ANXA4: variants seen among roughly 807,000 people sequenced by gnomAD.
ANXA4 encodes the protein annexin A4, also known as 35-beta calcimedin.
In ANXA4, 39 loss-of-function variants were observed where a neutral mutation model predicts 49.8. That is an observed-to-expected ratio of 0.78 (90% CI 0.61 to 1.02). The LOEUF (loss-of-function observed/expected upper bound fraction) is 1.02, where lower values mean the gene tolerates loss of function less well. Among genes scored for constraint, ANXA4 ranks in the 50% least tolerant of loss-of-function variants. ANXA4 has a pLI of 0.00. For missense variants in ANXA4, 360 were observed against 410.1 expected, an observed-to-expected ratio of 0.88 and a Z score of 1.05; for synonymous variants, 134 against 152.5, an observed-to-expected ratio of 0.88 and a Z score of 0.89.
At chr2:69,694,686 A>G (rs957721580) in intron 2 of ANXA4, among the ~76,000 whole-genome samples, 8 of 151,858 alleles carry the variant, frequency 5.3e-5, no homozygotes, top group Non-Finnish European at 8.8e-5. Flanking sequence ...ATAACAATAC[A>G]TTTCTATGGT....
At chr2:69,691,606 T>G (rs562729919) in intron 2 of ANXA4, among the ~76,000 whole-genome samples, 29 of 151,248 alleles carry the variant, frequency 1.9e-4, no homozygotes, top group African/African-American at 7.1e-4. Context: ...CACAGACGCA[T>G]GCACATATGC....
At chr2:69,784,747 C>CAG (rs1384896327) in intron 2 of ANXA4, among the ~76,000 whole-genome samples, 1 of 152,232 alleles carries the variant, frequency 6.6e-6, no homozygotes, top group African/African-American at 2.4e-5. Flanking sequence ...GACACCTGTG[C>CAG]AGAAGCCTTC....
rs140714390 is a variant in ANXA4, at chr2:69,685,408, G to A, written n.766+32126G>A. 2.3e-4 allele frequency among the ~76,000 whole-genome samples: 35 copies of A among 152,240 alleles called. No individual in the cohort carries two copies. The East Asian group carries it at 5.8e-3, about 25-fold the overall frequency. On this transcript the variant is annotated intron_variant and non_coding_transcript_variant, in intron 2 of 3. Transcript: ENST00000418066. ...ACAGAGAGATATAAACTGAATTGTG[G>A]CACACTGAATGAATTAGAAACCAGT...
At position 69,804,530 on chromosome 2, in the gene ANXA4, C is replaced by A; in HGVS notation, c.98-3C>A. On this transcript the variant is annotated splice_region_variant and splice_polypyrimidine_tract_variant and intron_variant, in intron 3 of 12. Transcript: ENST00000394295. ...TTACCTGCTGTCTCCCTTCTTCCCC[C>A]AGGCACCGATGAAGACGCCATTATT... The A allele has an allele frequency of 6.2e-7, 1 of 1,613,020 alleles. No homozygotes were observed. Among genetic ancestry groups the A allele is most frequent in the Non-Finnish European group, 8.5e-7 (1 of 1,179,194 alleles).
chr2:69,815,986 C>T (rs1673970688), intron 8 of ANXA4, 115 bp from the exon 9 acceptor site: 1 of 775,144 alleles, frequency 1.3e-6, no homozygotes, highest in Admixed American at 2.3e-5. Flanking sequence ...TTTCCAACCC[C>T]ATCACCAACA....
intron 1 of ANXA4, 94 bp from the exon 2 acceptor site, chr2:69,781,426 T>C (rs1672193509): frequency 2.0e-6 from 2 of 1,020,586 alleles, no homozygotes; most frequent in Non-Finnish European, 3.0e-6. Context: ...CATTTCCTCA[T>C]GGCTTAGCTT....
chr2:69,650,473 T>C (rs1033097073), intron 1 of ANXA4, among the ~76,000 whole-genome samples: 8 of 152,126 alleles, frequency 5.3e-5, no homozygotes, highest in Non-Finnish European at 8.8e-5. Context: ...TGGTGGTTTT[T>C]GTATCCTTTT....
At chr2:69,676,205 A>G (rs1677409247) in intron 2 of ANXA4, among the ~76,000 whole-genome samples, 1 of 152,106 alleles carries the variant, frequency 6.6e-6, no homozygotes, top group Non-Finnish European at 1.5e-5. Flanking sequence ...AAACTTCTTG[A>G]GTTTAGAATA....
intron 2 of ANXA4, among the ~76,000 whole-genome samples, chr2:69,678,890 G>A (rs1251622170): frequency 6.6e-6 from 1 of 152,040 alleles, no homozygotes; most frequent in Non-Finnish European, 1.5e-5. Context: ...TTGATTAATA[G>A]TGATATTTAG....
At chr2:69,746,570 G>A (rs1439265152) in intron 1 of ANXA4, among the ~76,000 whole-genome samples, 2 of 152,132 alleles carry the variant, frequency 1.3e-5, no homozygotes, top group Non-Finnish European at 1.5e-5. Context: ...TTAGTGTTTG[G>A]TTTTGTTTGA....
Position 69,742,927 on chromosome 2 carries a change from C to G in ANXA4, c.-47+752C>G, listed in dbSNP as rs563082054. ...ACAGTGGGAAGGATAGATAAGGTGT[C>G]CCTCTCCAAGTTATCCATTCTCCTG... On this transcript the variant is annotated intron_variant, in intron 1 of 12. Transcript: ENST00000394295. Among the ~76,000 whole-genome samples, 9 of 152,308 alleles carry G rather than the reference C, an allele frequency of 5.9e-5. No individual in the cohort carries two copies. In the East Asian group the frequency reaches 1.7e-3, roughly 29 times the overall value.
intron 5 of ANXA4, among the ~76,000 whole-genome samples, chr2:69,806,945 A>G (rs984422414): frequency 1.3e-5 from 2 of 152,166 alleles, no homozygotes; most frequent in Admixed American, 6.5e-5. Context: ...CCCCCATGAC[A>G]CAAGTTTATC....
intron 5 of ANXA4, among the ~76,000 whole-genome samples, chr2:69,807,311 T>TTGCC (rs1266040033): frequency 6.6e-6 from 1 of 152,140 alleles, no homozygotes; most frequent in Non-Finnish European, 1.5e-5. Flanking sequence ...AGGTCTACTA[T>TTGCC]AGGCTTACTT....
chr2:69,774,647 GC>G (rs1221501135), intron 1 of ANXA4, among the ~76,000 whole-genome samples: 1 of 151,992 alleles, frequency 6.6e-6, no homozygotes, highest in African/African-American at 2.4e-5. Context: ...GCCAAAAGGA[GC>G]CCCCTTAATC....
chr2:69,781,944 A>G (rs763045995), intron 2 of ANXA4, among the ~76,000 whole-genome samples: 21 of 152,224 alleles, frequency 1.4e-4, no homozygotes, highest in Non-Finnish European at 2.4e-4. Context: ...ACTCTGAGGT[A>G]GCCACATCAT....
chr2:69,807,595 T>G (rs1030229833), intron 5 of ANXA4, among the ~76,000 whole-genome samples: 9 of 152,130 alleles, frequency 5.9e-5, no homozygotes, highest in Admixed American at 4.6e-4. Context: ...GCCAGAAAAT[T>G]CTGCCCTTCA....
At chr2:69,693,087 A>G (rs868862077) in intron 2 of ANXA4, among the ~76,000 whole-genome samples, 1 of 152,206 alleles carries the variant, frequency 6.6e-6, no homozygotes, top group African/African-American at 2.4e-5. Context: ...AACTTTCAAC[A>G]TGCTTGATAG....
chr2:69,812,299 T>C (rs1007041681), intron 7 of ANXA4, among the ~76,000 whole-genome samples: 1 of 152,012 alleles, frequency 6.6e-6, no homozygotes, highest in Non-Finnish European at 1.5e-5. Context: ...GGTTGATCAA[T>C]GTAGATTTGC....
At chr2:69,664,337 T>G (rs973394806) in intron 2 of ANXA4, among the ~76,000 whole-genome samples, 1 of 152,172 alleles carries the variant, frequency 6.6e-6, no homozygotes, top group Admixed American at 6.6e-5. Context: ...AAGAAAGCTT[T>G]TGTGTGTGTG....
Sources: gnomAD v4.1 joint callset for allele counts (sites outside exome capture counted in the v4.1 genomes callset) on GRCh38, gnomAD v4.1.1 for gene constraint, MANE v1.5 for transcripts, NCBI Gene and HGNC (gene_info 2026-07-23, HGNC 2026-07-21) for gene names.